The following KCNAB1 variants were observed in gnomAD, a reference collection of about 807,000 sequenced individuals.
KCNAB1 encodes the protein potassium voltage-gated channel subfamily A regulatory beta subunit 1, also known as voltage-gated potassium channel subunit beta-1.
KCNAB1 carries 35 observed loss-of-function variants against 64.6 expected under a neutral mutation model. That is an observed-to-expected ratio of 0.54 (90% CI 0.41 to 0.72). The LOEUF is 0.72. Ranked by LOEUF, KCNAB1 falls within the 30% of genes least tolerant of loss-of-function variation. The probability of loss-of-function intolerance (pLI) is 0.00; values close to 1 mark genes in which losing one functional copy is unlikely to be tolerated. For missense variants in KCNAB1, 401 were observed against 512.9 expected (o/e 0.78, Z 2.11); for synonymous variants, 177 against 183.8 (o/e 0.96, Z 0.30).
intron 8 of KCNAB1, among the ~76,000 whole-genome samples, chr3:156,509,678 C>T (rs947001196): frequency 6.6e-5 from 10 of 152,120 alleles, no homozygotes; most frequent in Admixed American, 5.9e-4. Flanking sequence ...GAGCCCAGAC[C>T]AGGAGAGTCA....
intron 1 of KCNAB1, among the ~76,000 whole-genome samples, chr3:156,124,445 G>C (rs895286671): frequency 2.0e-5 from 3 of 151,966 alleles, no homozygotes; most frequent in African/African-American, 7.3e-5. Context: ...TTGAACTCCT[G>C]ACCTCAAGTG....
chr3:156,274,152 G>A (rs1319789697), intron 1 of KCNAB1, among the ~76,000 whole-genome samples: 4 of 152,024 alleles, frequency 2.6e-5, no homozygotes, highest in African/African-American at 9.7e-5. Flanking sequence ...AAAAGCATGG[G>A]GTAACTGATA....
intron 1 of KCNAB1, among the ~76,000 whole-genome samples, chr3:156,253,938 G>C (rs1044535137): frequency 7.2e-5 from 11 of 152,200 alleles, no homozygotes; most frequent in African/African-American, 2.7e-4. Context: ...GGGGGTATAT[G>C]ATGCATTTCT....
At chr3:156,523,206 C>T (rs1290954525) in intron 11 of KCNAB1, among the ~76,000 whole-genome samples, 1 of 152,066 alleles carries the variant, frequency 6.6e-6, no homozygotes, top group Non-Finnish European at 1.5e-5. Flanking sequence ...ATAACATTTG[C>T]AAAGTCTTTA....
At chr3:156,522,717 C>A (rs1272805177) in intron 11 of KCNAB1, among the ~76,000 whole-genome samples, 1 of 152,112 alleles carries the variant, frequency 6.6e-6, no homozygotes, top group Non-Finnish European at 1.5e-5. Context: ...AAAAAATGCT[C>A]AAAAAACAAA....
intron 1 of KCNAB1, among the ~76,000 whole-genome samples, chr3:156,177,434 C>A (rs553284479): frequency 6.7e-6 from 1 of 149,896 alleles, no homozygotes; most frequent in African/African-American, 2.5e-5. Context: ...TGGAGTGCAG[C>A]GGCGCAATCT....
chr3:156,398,202 A>G (rs1291089095), intron 1 of KCNAB1, among the ~76,000 whole-genome samples: 1 of 152,070 alleles, frequency 6.6e-6, no homozygotes, highest in Non-Finnish European at 1.5e-5. Flanking sequence ...CATGGACACA[A>G]GGAGGGGAAT....
chr3:156,146,815 T>G (rs1218951389), intron 1 of KCNAB1, among the ~76,000 whole-genome samples: 1 of 152,174 alleles, frequency 6.6e-6, no homozygotes, highest in Non-Finnish European at 1.5e-5. Context: ...ACTAAAAATG[T>G]AAAAATCATT....
intron 8 of KCNAB1, among the ~76,000 whole-genome samples, chr3:156,486,353 G>T (rs1178397607): frequency 6.6e-6 from 1 of 152,144 alleles, no homozygotes; most frequent in South Asian, 2.1e-4. Flanking sequence ...TAAAAGTTGA[G>T]AGAGGGGAGT....
intron 1 of KCNAB1, among the ~76,000 whole-genome samples, chr3:156,278,315 T>A (rs1248817360): frequency 1.3e-5 from 2 of 152,170 alleles, no homozygotes; most frequent in Non-Finnish European, 2.9e-5. Flanking sequence ...CATGCGAGGT[T>A]AGCTTTATGT....
chr3:156,367,865 A>C (rs1017833842), intron 1 of KCNAB1, among the ~76,000 whole-genome samples: 5 of 152,170 alleles, frequency 3.3e-5, no homozygotes, highest in African/African-American at 1.2e-4. Flanking sequence ...AAAAATACAC[A>C]AGACAAAAAT....
intron 1 of KCNAB1, among the ~76,000 whole-genome samples, chr3:156,413,798 G>A (rs868288984): frequency 6.6e-6 from 1 of 152,220 alleles, no homozygotes; most frequent in Non-Finnish European, 1.5e-5. Flanking sequence ...ACTGTGCTAG[G>A]TGGTGGGAAT....
chr3:156,349,543 G>C (rs1724719959), intron 1 of KCNAB1, among the ~76,000 whole-genome samples: 1 of 151,942 alleles, frequency 6.6e-6, no homozygotes, highest in Non-Finnish European at 1.5e-5. Flanking sequence ...CAATTCTCCA[G>C]CTTCTTGTCT....
chr3:156,189,392 T>C lies in KCNAB1; in HGVS notation c.275+68506T>C, dbSNP rs528760400. The stretch of plus-strand genomic sequence containing the variant: ...GTGAGTAAGCAGCCACCCACTGGCA[T>C]TGCCAGAAGAAACGATGGATGGTGG... On this transcript the variant is annotated intron_variant, in intron 1 of 13. Transcript: ENST00000490337. Among the ~76,000 whole-genome samples, 57 of 152,332 alleles carry C rather than the reference T, an allele frequency of 3.7e-4. 2 individuals are homozygous for C. In the South Asian group the frequency reaches 0.011, roughly 29 times the overall value.
intron 2 of KCNAB1, among the ~76,000 whole-genome samples, chr3:156,448,980 A>G (rs897078049): frequency 2.0e-5 from 3 of 152,166 alleles, no homozygotes; most frequent in Non-Finnish European, 4.4e-5. Flanking sequence ...AGTAAAAGAT[A>G]TAAACTCTAT....
intron 1 of KCNAB1, among the ~76,000 whole-genome samples, chr3:156,209,815 C>T (rs1479452038): frequency 6.6e-6 from 1 of 152,158 alleles, no homozygotes; most frequent in African/African-American, 2.4e-5. Flanking sequence ...GCATCTTGTT[C>T]AAACTGTTTA....
intron 2 of KCNAB1, among the ~76,000 whole-genome samples, chr3:156,426,144 T>C (rs545544888): frequency 6.6e-6 from 1 of 152,314 alleles, no homozygotes; most frequent in Non-Finnish European, 1.5e-5. Flanking sequence ...TCTTGTCTTC[T>C]ATGTCTCTGG....
chr3:156,422,262 G>A (rs1488439217), intron 2 of KCNAB1, among the ~76,000 whole-genome samples: 1 of 152,214 alleles, frequency 6.6e-6, no homozygotes, highest in Non-Finnish European at 1.5e-5. Flanking sequence ...GAATCTGACT[G>A]TGAGACTTGG....
At chr3:156,430,790 A>G (rs1716152149) in intron 2 of KCNAB1, among the ~76,000 whole-genome samples, 2 of 152,148 alleles carry the variant, frequency 1.3e-5, no homozygotes, top group African/African-American at 4.8e-5. Flanking sequence ...TCCTCCTTGA[A>G]ATGAGAATGG....
Sources: allele counts gnomAD v4.1 joint callset (sites outside exome capture counted in the v4.1 genomes callset), GRCh38; gene constraint gnomAD v4.1.1; transcripts MANE v1.5; gene names NCBI Gene and HGNC (gene_info 2026-07-23, HGNC 2026-07-21).